The following ACOT1 variants were observed in gnomAD, a reference collection of about 807,000 sequenced individuals.
ACOT1 encodes the protein acyl-coenzyme A thioesterase 1.
A neutral mutation model predicts 15.7 loss-of-function variants in ACOT1; 8 were observed. That is an observed-to-expected ratio of 0.51 (90% CI 0.30 to 0.92). The LOEUF is 0.92. Ranked by LOEUF, ACOT1 falls within the 40% of genes least tolerant of loss-of-function variation. The pLI, the probability that ACOT1 is intolerant of heterozygous loss-of-function variation, is 0.06. For synonymous variants in ACOT1, 67 were observed against 241.2 expected (o/e 0.28, Z 6.69); for missense variants, 151 against 539.4 (o/e 0.28, Z 7.13).
At chr14:73,506,815 T>TTTTGTTTTTTTTTTTG in the ACOT1 span, among the ~76,000 whole-genome samples, 3 of 135,534 alleles carry the variant, frequency 2.2e-5, no homozygotes, top group Non-Finnish European at 4.5e-5. Context: ...TTTTTTTTTT[T>TTTTGTTTTTTTTTTTG]TTTTTTTTTT....
At chr14:73,500,852 A>G in the ACOT1 span, 26 of 829,404 alleles carry the variant, frequency 3.1e-5, no homozygotes, top group Non-Finnish European at 4.3e-5. Context: ...ATTCAGCCTT[A>G]TGCTCATGAG....
At chr14:73,498,629 C>T in the ACOT1 span, among the ~76,000 whole-genome samples, 4 of 152,098 alleles carry the variant, frequency 2.6e-5, no homozygotes, top group Non-Finnish European at 5.9e-5. Flanking sequence ...GGAAAGGAGG[C>T]ACAATTATTT....
the ACOT1 span, chr14:73,522,909 C>G: frequency 1.9e-6 from 3 of 1,614,164 alleles, no homozygotes; most frequent in Non-Finnish European, 1.7e-6. Flanking sequence ...CTGGGCAGGC[C>G]TCGCTGCCAC....
the ACOT1 span, among the ~76,000 whole-genome samples, chr14:73,525,180 C>T: frequency 3.3e-5 from 5 of 152,092 alleles, no homozygotes; most frequent in African/African-American, 9.7e-5. Flanking sequence ...CAGGTGCATG[C>T]GCCACCACAC....
chr14:73,492,794 G>T, the ACOT1 span: 1 of 1,613,968 alleles, frequency 6.2e-7, no homozygotes, highest in Non-Finnish European at 8.5e-7. This position sits in a 1 kb window ranked among gnomAD's most constrained non-coding sequence, Gnocchi z 4.9. Context: ...CCAGCAAGCT[G>T]ATGCCATGGA....
chr14:73,537,770 G>T lies in ACOT1; in HGVS notation c.349G>T (p.Gly117Trp), dbSNP rs1165600594. The change falls in exon 1 of 3, where the codon GGG becomes TGG. Residue 117 changes from glycine (G) to tryptophan (W), a missense_variant. By Grantham distance (184) the Gly-to-Trp change is radical. Coordinates refer to ENST00000311148, the MANE Select transcript of ACOT1 (RefSeq NM_001037161.2). Reference sequence around the variant, plus strand: ...GCTGGATGGCCACGACCCCGACCCCGGGCGGCTGCTGTGCCGGGTGCGGCA... The same window carrying T: ...GCTGGATGGCCACGACCCCGACCCCTGGCGGCTGCTGTGCCGGGTGCGGCA... Reference protein sequence around the residue: ...EVLDGHDPDPGRLLCRVRHER... With the variant: ...EVLDGHDPDPWRLLCRVRHER... 1 of 1,235,062 alleles carries T rather than the reference G, an allele frequency of 8.1e-7. No homozygotes were observed. Among genetic ancestry groups the T allele is most frequent in the Non-Finnish European group, 1.1e-6 (1 of 934,534 alleles). 76.5% of individuals were successfully genotyped at this position (1,235,062 alleles called of 1,614,324 possible).
At chr14:73,520,739 G>C in the ACOT1 span, 2 of 956,680 alleles carry the variant, frequency 2.1e-6, no homozygotes, top group Non-Finnish European at 3.2e-6. Flanking sequence ...TGAAAACCTG[G>C]GTCATCCAGG....
the ACOT1 span, chr14:73,490,954 AT>A: frequency 7.8e-7 from 1 of 1,288,266 alleles, no homozygotes; most frequent in Non-Finnish European, 9.9e-7. Context: ...CAGCCGCTGC[AT>A]TCAGGAACCG....
At chr14:73,494,958 T>C in the ACOT1 span, among the ~76,000 whole-genome samples, 1 of 152,222 alleles carries the variant, frequency 6.6e-6, no homozygotes, top group East Asian at 1.9e-4. Flanking sequence ...CTTGTGTTTT[T>C]CTGATATGTC....
chr14:73,541,642 C>T lies in ACOT1; in HGVS notation c.607C>T (p.Leu203Phe). Residue 203 changes from leucine (L) to phenylalanine (F), a missense_variant, in exon 2 of 3, where the codon CTC (leucine) becomes TTC (phenylalanine). Leu to Phe is a conservative substitution (Grantham distance 22). Transcript: ENST00000311148. ...YEDLPKTMETLHLEYFEEAVN... is the reference protein window; with the variant it reads ...YEDLPKTMETFHLEYFEEAVN... ...AGACCTCCCCAAGACCATGGAGACG[C>T]TCCATCTGGAGTACTTTGAAGAAGC... The T allele has an allele frequency of 8.0e-7, 1 of 1,243,248 alleles. No individual in the cohort carries two copies. Among genetic ancestry groups the T allele is most frequent in the Non-Finnish European group, 1.1e-6 (1 of 935,966 alleles). 77.0% of individuals were successfully genotyped at this position (1,243,248 alleles called of 1,614,324 possible).
chr14:73,514,945 G>C, the ACOT1 span, among the ~76,000 whole-genome samples: 2 of 152,038 alleles, frequency 1.3e-5, no homozygotes, highest in Admixed American at 1.3e-4. Flanking sequence ...GCATGTGCTT[G>C]TAGTCTCAGC....
chr14:73,522,823 C>T, the ACOT1 span: 10 of 1,614,074 alleles, frequency 6.2e-6, no homozygotes, highest in Non-Finnish European at 8.5e-6. Context: ...GAGGCCGGGC[C>T]TTCCTGATCT....
At chr14:73,540,687 C>T (rs1346073534) in intron 1 of ACOT1, among the ~76,000 whole-genome samples, 264 of 118,384 alleles carry the variant, frequency 2.2e-3, no homozygotes, top group African/African-American at 7.6e-3. Flanking sequence ...TGATGGTTTG[C>T]GGGTATCAGC....
chr14:73,506,804 G>GTTTTTTTTTTTTTTTTTTTTTTTTTTT, the ACOT1 span, among the ~76,000 whole-genome samples: 21 of 80,516 alleles, frequency 2.6e-4, 4 homozygotes, highest in East Asian at 5.8e-4. Context: ...GACTTTAACT[G>GTTTTTTTTTTTTTTTTTTTTTTTTTTT]TTTTTTTTTT....
At chr14:73,496,822 A>C in the ACOT1 span, 3 of 609,316 alleles carry the variant, frequency 4.9e-6, no homozygotes, top group Non-Finnish European at 8.8e-6. Flanking sequence ...TATATGCAAA[A>C]ATGGTATAAT....
At chr14:73,497,846 A>C in the ACOT1 span, among the ~76,000 whole-genome samples, 1 of 151,342 alleles carries the variant, frequency 6.6e-6, no homozygotes, top group Non-Finnish European at 1.5e-5. Flanking sequence ...GGCTGGTCTC[A>C]AACTCCCGAC....
At chr14:73,498,454 A>C in the ACOT1 span, 1 of 950,240 alleles carries the variant, frequency 1.1e-6, no homozygotes, top group East Asian at 2.7e-5. Context: ...GATGGTAATC[A>C]CCATTAGAAT....
the ACOT1 span, among the ~76,000 whole-genome samples, chr14:73,524,013 G>A: frequency 7.9e-5 from 12 of 151,940 alleles, no homozygotes; most frequent in African/African-American, 2.7e-4. Context: ...GCTGTAGGCC[G>A]GGCGCAGTGG....
the ACOT1 span, chr14:73,493,533 A>C: frequency 5.2e-6 from 1 of 191,514 alleles, no homozygotes; most frequent in Non-Finnish European, 1.1e-5. Flanking sequence ...CATGTTAATC[A>C]ACCTCTTAAG....
Sources: allele counts gnomAD v4.1 joint callset (sites outside exome capture counted in the v4.1 genomes callset), GRCh38; gene constraint gnomAD v4.1.1; non-coding constraint Gnocchi (gnomAD v3.1); transcripts MANE v1.5; gene names NCBI Gene and HGNC (gene_info 2026-07-23, HGNC 2026-07-21).